The following TPRG1 variants were observed in gnomAD, a reference collection of about 807,000 sequenced individuals.
TPRG1 encodes tumor protein p63 regulated 1.
A neutral mutation model predicts 29.3 loss-of-function variants in TPRG1; 29 were observed. The observed-to-expected ratio is 0.99, with a 90% CI of 0.74 to 1.35. The LOEUF (loss-of-function observed/expected upper bound fraction) is 1.35, where lower values mean the gene tolerates loss of function less well. TPRG1 is among the 40% of genes most tolerant of loss of function. The pLI, the probability that TPRG1 is intolerant of heterozygous loss-of-function variation, is 0.00. For missense variants in TPRG1, 327 were observed against 335.0 expected, an observed-to-expected ratio of 0.98 and a Z score of 0.19; for synonymous variants, 130 against 116.8, an observed-to-expected ratio of 1.11 and a Z score of -0.73.
chr3:189,058,296 C>G (rs527942055), intron 4 of TPRG1, among the ~76,000 whole-genome samples: 30 of 152,272 alleles, frequency 2.0e-4, no homozygotes, highest in South Asian at 2.1e-4. Context: ...CAAAGCTTTG[C>G]TCTCCTTAAA....
At chr3:189,012,042 C>T (rs1016282258) in intron 3 of TPRG1, among the ~76,000 whole-genome samples, 12 of 152,038 alleles carry the variant, frequency 7.9e-5, no homozygotes, top group Admixed American at 2.0e-4. Flanking sequence ...GCTGAGATGA[C>T]GGGGTTTTCT....
Position 189,112,681 on chromosome 3 carries a change from G to A in TPRG1, c.-744+12477G>A, listed in dbSNP as rs182681251. Reference sequence around the variant, plus strand: ...TCTCAGGTTTGTCAAAGATCAGATAGTTGTAGATATGTAGCATTATTTCTG... The same window carrying A: ...TCTCAGGTTTGTCAAAGATCAGATAATTGTAGATATGTAGCATTATTTCTG... On this transcript the variant is annotated intron_variant, in intron 1 of 6. Transcript: ENST00000412373. 4.1e-3 allele frequency among the ~76,000 whole-genome samples: 631 copies of A among 152,232 alleles called. 1 individual carries two copies. The highest frequency in any genetic ancestry group is 0.013 in the African/African-American group (547 of 41,536).
At chr3:189,168,655 G>A (rs1171499524), upstream of TPRG1, among the ~76,000 whole-genome samples, 6 of 152,152 alleles carry the variant, frequency 3.9e-5, no homozygotes, top group African/African-American at 1.2e-4. Flanking sequence ...CTATTGGAAC[G>A]CAAGAGAAGG....
rs561556289 is a variant in TPRG1 at position 189,065,810 on chromosome 3, G to A, written c.-463+41864G>A. ...ATAGAGTACTGGCGCTCTAGCTACT[G>A]CAGTAAGCTAAGAAAAAAAAAGGCA... On this transcript the variant is annotated intron_variant, in intron 4 of 10. Transcript: ENST00000433971. Among the ~76,000 whole-genome samples the A allele has an allele frequency of 6.6e-5, 10 of 152,024 alleles. 1 individual carries two copies. The South Asian group carries it at 1.0e-3, about 16-fold the overall frequency.
intron 4 of TPRG1, among the ~76,000 whole-genome samples, chr3:189,087,267 G>A (rs1165254971): frequency 6.6e-6 from 1 of 152,180 alleles, no homozygotes; most frequent in Non-Finnish European, 1.5e-5. Context: ...GTGATGATGA[G>A]CATTTTTTCC....
intron 4 of TPRG1, among the ~76,000 whole-genome samples, chr3:189,283,297 A>C (rs1717469304): frequency 6.6e-6 from 1 of 152,212 alleles, no homozygotes; most frequent in Admixed American, 6.5e-5. Context: ...AATGGTTTTC[A>C]TGTCCATTGA....
chr3:189,174,300 C>G (rs1308834536), intron 1 of TPRG1, among the ~76,000 whole-genome samples: 2 of 152,120 alleles, frequency 1.3e-5, no homozygotes, highest in African/African-American at 4.8e-5. Flanking sequence ...AGGAAATTTC[C>G]TGTAAAAAAT....
chr3:189,251,499 C>G (rs1327157155), intron 4 of TPRG1, among the ~76,000 whole-genome samples: 1 of 152,088 alleles, frequency 6.6e-6, no homozygotes, highest in Non-Finnish European at 1.5e-5. Flanking sequence ...GACCAGCGTT[C>G]AGCATACGGA....
At chr3:189,114,964 A>G (rs1450505573) in intron 1 of TPRG1, among the ~76,000 whole-genome samples, 2 of 152,178 alleles carry the variant, frequency 1.3e-5, no homozygotes, top group Non-Finnish European at 2.9e-5. Context: ...TATCTCTTTT[A>G]GAATATAAAG....
At chr3:189,264,538 T>C (rs1713710593) in intron 4 of TPRG1, among the ~76,000 whole-genome samples, 1 of 151,522 alleles carries the variant, frequency 6.6e-6, no homozygotes, top group African/African-American at 2.5e-5. Flanking sequence ...TTTCTTTTTT[T>C]TTCATATCAT....
At chr3:189,246,731 A>C (rs1249788965) in intron 4 of TPRG1, among the ~76,000 whole-genome samples, 1 of 152,026 alleles carries the variant, frequency 6.6e-6, no homozygotes, top group Non-Finnish European at 1.5e-5. Flanking sequence ...TTTAGTCTTA[A>C]TTCTTGAGGA....
chr3:189,124,625 A>ATGAAGTC (rs1722239572), intron 1 of TPRG1, among the ~76,000 whole-genome samples: 1 of 151,830 alleles, frequency 6.6e-6, no homozygotes, highest in South Asian at 2.1e-4. Context: ...TAACTCATTT[A>ATGAAGTC]ATACTCTAAT....
At chr3:189,294,879 T>C (rs1175201117) in intron 4 of TPRG1, among the ~76,000 whole-genome samples, 1 of 152,002 alleles carries the variant, frequency 6.6e-6, no homozygotes, top group Non-Finnish European at 1.5e-5. Context: ...ACACTTTAAG[T>C]TCTAGGGTGC....
intron 4 of TPRG1, among the ~76,000 whole-genome samples, chr3:189,295,496 CAAAAAAAAA>C (rs368195264): frequency 5.8e-5 from 5 of 85,520 alleles, no homozygotes; most frequent in Non-Finnish European, 1.1e-4. Context: ...ACTCAGATTG[CAAAAAAAAA>C]AAAAAAAAAA....
At chr3:189,115,729 G>A (rs1050901900) in intron 1 of TPRG1, among the ~76,000 whole-genome samples, 2 of 152,206 alleles carry the variant, frequency 1.3e-5, no homozygotes, top group Non-Finnish European at 2.9e-5. Flanking sequence ...GCCCACCTGA[G>A]AAAATTCTGT....
chr3:189,090,051 A>G (rs1180016307), intron 4 of TPRG1, among the ~76,000 whole-genome samples: 2 of 151,866 alleles, frequency 1.3e-5, no homozygotes, highest in South Asian at 2.1e-4. Context: ...GATTTATTTC[A>G]TTGTTATTTT....
upstream of TPRG1, among the ~76,000 whole-genome samples, chr3:189,167,435 C>T (rs1728299577): frequency 6.6e-6 from 1 of 152,218 alleles, no homozygotes; most frequent in Admixed American, 6.5e-5. Flanking sequence ...GCAAAGTACA[C>T]CCTTGTTTTC....
At chr3:189,108,958 A>T (rs1275629482) in intron 1 of TPRG1, among the ~76,000 whole-genome samples, 6 of 152,078 alleles carry the variant, frequency 3.9e-5, no homozygotes, top group Admixed American at 3.9e-4. Context: ...AGGCAGGAAA[A>T]GGGCTGAACT....
intron 1 of TPRG1, among the ~76,000 whole-genome samples, chr3:189,184,577 T>G (rs1373786259): frequency 6.6e-6 from 1 of 152,208 alleles, no homozygotes; most frequent in Non-Finnish European, 1.5e-5. Flanking sequence ...TACAACATAA[T>G]AAGAAAAATT....
Sources: allele counts gnomAD v4.1 joint callset (sites outside exome capture counted in the v4.1 genomes callset), GRCh38; gene constraint gnomAD v4.1.1; transcripts MANE v1.5; gene names NCBI Gene and HGNC (gene_info 2026-07-23, HGNC 2026-07-21).